NR3C2: variants seen among roughly 807,000 people sequenced by gnomAD.
NR3C2 encodes nuclear receptor subfamily 3 group C member 2.
Under a neutral mutation model 86.4 loss-of-function variants are expected in NR3C2, and 15 were observed. The ratio of observed to expected loss-of-function variants is 0.17; its 90% CI spans 0.12 to 0.27. NR3C2 has a LOEUF of 0.27. Among genes scored for constraint, NR3C2 ranks in the 10% least tolerant of loss-of-function variants. NR3C2 has a pLI of 1.00. For synonymous variants in NR3C2, 458 were observed against 450.5 expected, an observed-to-expected ratio of 1.02 and a Z score of -0.21; for missense variants, 960 against 1,195.6, an observed-to-expected ratio of 0.80 and a Z score of 2.91.
chr4:148,295,089 T>A (rs1272534194), intron 2 of NR3C2, among the ~76,000 whole-genome samples: 2 of 152,148 alleles, frequency 1.3e-5, no homozygotes, highest in Non-Finnish European at 2.9e-5. Context: ...CATTTAAAAA[T>A]TTATTTAGAT....
At chr4:148,363,506 C>CTTTTTTTTTTTTTTTTTT (rs58978966) in intron 2 of NR3C2, among the ~76,000 whole-genome samples, 9 of 110,774 alleles carry the variant, frequency 8.1e-5, no homozygotes, top group Admixed American at 1.1e-4. Context: ...TCATAGATCT[C>CTTTTTTTTTTTTTTTTTT]TTTTTTTTTT....
intron 3 of NR3C2, among the ~76,000 whole-genome samples, chr4:148,205,859 T>G (rs1333140646): frequency 6.6e-6 from 1 of 152,118 alleles, no homozygotes; most frequent in East Asian, 1.9e-4. Context: ...AAAGTCTTCC[T>G]ACCCAGAGAA....
chr4:148,267,461 A>G (rs1427953570), intron 2 of NR3C2, among the ~76,000 whole-genome samples: 1 of 152,122 alleles, frequency 6.6e-6, no homozygotes, highest in Non-Finnish European at 1.5e-5. Context: ...TAGTGGACCT[A>G]TAGGTAATTC....
At chr4:148,221,181 T>C (rs1737821800) in intron 3 of NR3C2, among the ~76,000 whole-genome samples, 1 of 152,244 alleles carries the variant, frequency 6.6e-6, no homozygotes, top group Admixed American at 6.5e-5. Context: ...CCTGGGACAT[T>C]TTTGTCAGAA....
In NR3C2 at chr4:148,167,782, G is replaced by A. The variant is rs188718448; in HGVS notation, c.2015-12881C>T. On this transcript the variant is annotated intron_variant, in intron 4 of 8. Coordinates refer to ENST00000358102, the MANE Select transcript of NR3C2 (RefSeq NM_000901.5). ...CCATTTTCTAATAACACTGTTAAGC[G>A]AAATGGAAAGAGAGGATGTTGGGTT... 5.9e-5 allele frequency among the ~76,000 whole-genome samples: 9 copies of A among 152,334 alleles called. No homozygotes were observed. In the South Asian group the frequency reaches 1.2e-3, roughly 21 times the overall value.
At chr4:148,399,587 TAAAA>T (rs1049962173) in intron 2 of NR3C2, among the ~76,000 whole-genome samples, 46 of 151,584 alleles carry the variant, frequency 3.0e-4, no homozygotes, top group African/African-American at 1.1e-3. Flanking sequence ...GTTTGGAAAA[TAAAA>T]ATTTTCAAGA....
chr4:148,360,029 A>C (rs918792289), intron 2 of NR3C2, among the ~76,000 whole-genome samples: 1 of 152,194 alleles, frequency 6.6e-6, no homozygotes, highest in African/African-American at 2.4e-5. Flanking sequence ...GTAGCAGAAC[A>C]AAGTGAAAGG....
chr4:148,120,878 A>T (rs1335426224), intron 6 of NR3C2, among the ~76,000 whole-genome samples: 2 of 152,262 alleles, frequency 1.3e-5, no homozygotes, highest in Non-Finnish European at 2.9e-5. Flanking sequence ...AGAAAAAATG[A>T]CAAGGGAGTT....
Position 148,367,872 on chromosome 4 carries a change from CAAA to C in NR3C2, c.1757+67229_1757+67231del, listed in dbSNP as rs534219371. 4.9e-5 allele frequency among the ~76,000 whole-genome samples: 6 copies of C among 122,338 alleles called. No homozygotes were observed. In the South Asian group the frequency reaches 1.4e-3, roughly 28 times the overall value. 80.3% of individuals were successfully genotyped at this position (122,338 alleles called of 152,430 possible). A position where few individuals can be genotyped will look rare whatever the true frequency, so the allele number is the denominator to read the frequency against. On this transcript the variant is annotated intron_variant, in intron 2 of 8. Coordinates refer to ENST00000358102, the MANE Select transcript of NR3C2 (RefSeq NM_000901.5). ...TCAAAAAGAAATACATTCTCCCTTT[CAAA>C]AAAAAAAAAAAAGTCAAGGGGGATT...
At position 148,436,637 on chromosome 4, in the gene NR3C2, T is replaced by C. The variant is rs1323384816; in HGVS notation, c.224A>G (p.Gln75Arg). The C allele has an allele frequency of 6.2e-7, 1 of 1,614,240 alleles. No individual in the cohort carries two copies. The highest frequency in any genetic ancestry group is 1.3e-5 in the African/African-American group (1 of 75,072). The change falls in exon 2 of 9, where the codon CAG becomes CGG. Residue 75 changes from glutamine (Q) to arginine (R), a missense_variant. Physicochemically the swap from Gln to Arg is conservative, Grantham distance 43 (BLOSUM62 1). This residue lies in a region of NR3C2 where 680 missense variants were observed against 719.0 expected (regional missense o/e 0.95). Transcript: ENST00000358102. ...KEKQELLPCL[Q>R]QDNNRPGILT... ...AATCCCAGGCCGATTATTGTCTTGCTGAAGGCAAGGGAGTAGTTCTTGTTT... is the reference window on the plus strand; with the variant it reads ...AATCCCAGGCCGATTATTGTCTTGCCGAAGGCAAGGGAGTAGTTCTTGTTT...
intron 6 of NR3C2, among the ~76,000 whole-genome samples, chr4:148,135,347 G>C (rs746541640): frequency 6.6e-6 from 1 of 152,058 alleles, no homozygotes; most frequent in African/African-American, 2.4e-5. Flanking sequence ...GGTTGAGGGG[G>C]GTGAGTTTGG....
intron 1 of NR3C2, among the ~76,000 whole-genome samples, chr4:148,441,036 A>G (rs942857556): frequency 5.9e-5 from 9 of 152,226 alleles, no homozygotes; most frequent in African/African-American, 2.2e-4. Flanking sequence ...TCCCCACTAC[A>G]TAACTATTAT....
At chr4:148,136,929 T>C (rs890300530) in intron 6 of NR3C2, among the ~76,000 whole-genome samples, 29 of 152,230 alleles carry the variant, frequency 1.9e-4, no homozygotes, top group African/African-American at 5.5e-4. Context: ...ATGGAAGTTA[T>C]ATGTTTCATT....
chr4:148,295,240 A>G (rs567655261), intron 2 of NR3C2, among the ~76,000 whole-genome samples: 1 of 152,252 alleles, frequency 6.6e-6, no homozygotes, highest in South Asian at 2.1e-4. Flanking sequence ...GGAAGTCAAT[A>G]TTTAAGATAT....
In NR3C2 at chr4:148,152,537, C is replaced by T; in HGVS notation, c.2442G>A (p.Leu814=). 1.9e-6 allele frequency: 3 copies of T among 1,614,036 alleles called. No homozygotes were observed. Among genetic ancestry groups the T allele is most frequent in the Non-Finnish European group, 2.5e-6 (3 of 1,179,962 alleles). Residue 814 remains leucine (L), a synonymous_variant, in exon 6 of 9, where the codon TTG becomes TTA. Coordinates refer to ENST00000358102, the MANE Select transcript of NR3C2 (RefSeq NM_000901.5). ...YSWMCLSSFA[L]SWRSYKHTNS... The stretch of plus-strand genomic sequence containing the variant: ...TCGTATGTTTGTACGATCTCCAGCT[C>T]AAGGCAAATGATGATAGACACATCC...
chr4:148,209,442 G>T (rs1356963524), intron 3 of NR3C2, among the ~76,000 whole-genome samples: 1 of 151,930 alleles, frequency 6.6e-6, no homozygotes, highest in Non-Finnish European at 1.5e-5. Flanking sequence ...AGCACTCCCA[G>T]CTAATTTTCT....
At chr4:148,343,130 T>A (rs1023734597) in intron 2 of NR3C2, among the ~76,000 whole-genome samples, 2 of 152,164 alleles carry the variant, frequency 1.3e-5, no homozygotes, top group Admixed American at 1.3e-4. Context: ...CAGGAAAGAT[T>A]ACTAAGCAGC....
intron 2 of NR3C2, among the ~76,000 whole-genome samples, chr4:148,361,859 C>A (rs1345566227): frequency 8.1e-6 from 1 of 122,790 alleles, no homozygotes; most frequent in Non-Finnish European, 1.8e-5. Context: ...GTTTTTGAGA[C>A]AGAGTTTCAC....
intron 8 of NR3C2, among the ~76,000 whole-genome samples, chr4:148,093,122 T>G (rs903696865): frequency 1.3e-5 from 2 of 152,206 alleles, no homozygotes; most frequent in Non-Finnish European, 2.9e-5. Context: ...ATGCCCAGCA[T>G]GATTTTTCCA....
Sources: allele counts gnomAD v4.1 joint callset (sites outside exome capture counted in the v4.1 genomes callset), GRCh38; gene constraint gnomAD v4.1.1; regional missense constraint gnomAD v4.1.1; transcripts MANE v1.5; gene names NCBI Gene and HGNC (gene_info 2026-07-23, HGNC 2026-07-21).